POPDC1: variants seen among roughly 807,000 people sequenced by gnomAD.
POPDC1 encodes the protein popeye domain-containing protein 1.
the POPDC1 span, chr6:105,125,632 AC>A: frequency 6.5e-7 from 1 of 1,534,272 alleles, no homozygotes; most frequent in Non-Finnish European, 9.0e-7. Context: ...ATCCCAAAAC[AC>A]TGACTTCTGT....
the POPDC1 span, among the ~76,000 whole-genome samples, chr6:105,135,077 T>G: frequency 6.6e-6 from 1 of 152,190 alleles, no homozygotes; most frequent in Non-Finnish European, 1.5e-5. Context: ...TAGCATTACA[T>G]AGGTTAATAA....
chr6:105,104,688 T>C, the POPDC1 span, among the ~76,000 whole-genome samples: 17 of 152,320 alleles, frequency 1.1e-4, no homozygotes, highest in African/African-American at 3.6e-4. Flanking sequence ...ATCACTTTTG[T>C]AGAATTGATT....
the POPDC1 span, chr6:105,115,763 T>C: frequency 6.2e-7 from 1 of 1,614,152 alleles, no homozygotes; most frequent in Non-Finnish European, 8.5e-7. Flanking sequence ...GGCTATACTG[T>C]TCCTCATTTC....
the POPDC1 span, among the ~76,000 whole-genome samples, chr6:105,132,648 G>C: frequency 6.6e-6 from 1 of 152,178 alleles, no homozygotes; most frequent in East Asian, 1.9e-4. Flanking sequence ...TGGGCCATCA[G>C]GGAAATAATC....
chr6:105,107,000 T>C, the POPDC1 span, among the ~76,000 whole-genome samples: 1 of 152,226 alleles, frequency 6.6e-6, no homozygotes, highest in African/African-American at 2.4e-5. Context: ...TATTATTTTT[T>C]ACTATAGTCA....
At chr6:105,125,206 C>T in the POPDC1 span, among the ~76,000 whole-genome samples, 1 of 152,194 alleles carries the variant, frequency 6.6e-6, no homozygotes, top group Non-Finnish European at 1.5e-5. Flanking sequence ...GTACACTCAA[C>T]CTGGGTTTAA....
At chr6:105,132,562 T>C in the POPDC1 span, among the ~76,000 whole-genome samples, 1 of 152,178 alleles carries the variant, frequency 6.6e-6, no homozygotes, top group Admixed American at 6.5e-5. Context: ...AAGAGTGTCT[T>C]TCTCAAGGAT....
At chr6:105,100,739 G>A in the POPDC1 span, 1 of 156,802 alleles carries the variant, frequency 6.4e-6, no homozygotes, top group South Asian at 2.1e-4. Context: ...AGACTGTGAG[G>A]AAAAAGAATC....
At chr6:105,113,554 T>C in the POPDC1 span, among the ~76,000 whole-genome samples, 1 of 152,212 alleles carries the variant, frequency 6.6e-6, no homozygotes, top group Non-Finnish European at 1.5e-5. Flanking sequence ...GCCAGCCATC[T>C]TGTGAATCTG....
the POPDC1 span, chr6:105,115,748 G>T: frequency 6.2e-7 from 1 of 1,614,144 alleles, no homozygotes. Flanking sequence ...ACTGTCACTG[G>T]AGCTGGCTAT....
the POPDC1 span, among the ~76,000 whole-genome samples, chr6:105,120,580 G>A: frequency 6.6e-6 from 1 of 152,214 alleles, no homozygotes; most frequent in Non-Finnish European, 1.5e-5. Flanking sequence ...TACGGCAACA[G>A]AATACATAAA....
the POPDC1 span, among the ~76,000 whole-genome samples, chr6:105,112,926 T>G: frequency 5.5e-5 from 5 of 91,398 alleles, no homozygotes; most frequent in African/African-American, 1.8e-4. Flanking sequence ...GCATGAGCTT[T>G]TGTTTTTCTT....
the POPDC1 span, chr6:105,124,759 T>C: frequency 2.4e-6 from 2 of 823,468 alleles, no homozygotes; most frequent in Non-Finnish European, 3.9e-6. Flanking sequence ...AGTACAGTTT[T>C]AAAAATTCCA....
At chr6:105,115,693 G>C in the POPDC1 span, 1 of 1,614,092 alleles carries the variant, frequency 6.2e-7, no homozygotes, top group Non-Finnish European at 8.5e-7. Context: ...TACGAAGAGA[G>C]GACATGCTGG....
At chr6:105,136,577 C>T in the POPDC1 span, 2 of 152,414 alleles carry the variant, frequency 1.3e-5, no homozygotes, top group South Asian at 2.1e-4. Context: ...GCGGAGAGAG[C>T]AGAGACGGAG....
the POPDC1 span, among the ~76,000 whole-genome samples, chr6:105,108,186 G>A: frequency 6.6e-6 from 1 of 152,156 alleles, no homozygotes; most frequent in African/African-American, 2.4e-5. Flanking sequence ...GCCTCTTCCT[G>A]CTCACAAAGA....
At chr6:105,110,456 C>T in the POPDC1 span, among the ~76,000 whole-genome samples, 3 of 152,174 alleles carry the variant, frequency 2.0e-5, no homozygotes, top group Non-Finnish European at 4.4e-5. Flanking sequence ...TATGGTTGCT[C>T]ACAACGGGAA....
At chr6:105,120,472 T>A in the POPDC1 span, among the ~76,000 whole-genome samples, 1 of 152,242 alleles carries the variant, frequency 6.6e-6, no homozygotes, top group Admixed American at 6.5e-5. Context: ...ATAAGAATTT[T>A]AAAAGTTTCC....
chr6:105,114,340 T>G, the POPDC1 span, among the ~76,000 whole-genome samples: 1 of 152,224 alleles, frequency 6.6e-6, no homozygotes, highest in Non-Finnish European at 1.5e-5. Flanking sequence ...AATTTAATTC[T>G]CAGGTCCAGC....
Sources: gnomAD v4.1 joint callset for allele counts (sites outside exome capture counted in the v4.1 genomes callset) on GRCh38, gnomAD v4.1.1 for gene constraint, MANE v1.5 for transcripts, NCBI Gene and HGNC (gene_info 2026-07-23, HGNC 2026-07-21) for gene names.